Variants in NSD2 observed in about 807,000 individuals in gnomAD.
The protein encoded by NSD2 is nuclear receptor binding SET domain protein 2, also known as histone-lysine N-methyltransferase NSD2.
NSD2 carries 12 observed loss-of-function variants against 139.0 expected under a neutral mutation model. The observed-to-expected ratio is 0.09, with a 90% CI of 0.06 to 0.14. The LOEUF (loss-of-function observed/expected upper bound fraction) is 0.14, where lower values mean the gene tolerates loss of function less well. Ranked by LOEUF, NSD2 falls within the 10% of genes least tolerant of loss-of-function variation. NSD2 has a pLI of 1.00. For synonymous variants in NSD2, 669 were observed against 648.7 expected, an observed-to-expected ratio of 1.03 and a Z score of -0.48; for missense variants, 1,155 against 1,745.0, an observed-to-expected ratio of 0.66 and a Z score of 6.02.
At chr4:1,899,321 C>T (rs1247591092) in intron 1 of NSD2, 2 of 152,210 alleles carry the variant, frequency 1.3e-5, no homozygotes, top group Non-Finnish European at 2.9e-5. Context: ...CATCTCGGGC[C>T]GCATAGCCCT....
chr4:1,970,618 G>A (rs776510919), intron 18 of NSD2, among the ~76,000 whole-genome samples: 1 of 152,152 alleles, frequency 6.6e-6, no homozygotes, highest in African/African-American at 2.4e-5. Flanking sequence ...CAACACCGGC[G>A]AGCCAGAGCC....
intron 1 of NSD2, among the ~76,000 whole-genome samples, chr4:1,890,928 CTG>C (rs1260918478): frequency 2.6e-5 from 4 of 151,622 alleles, no homozygotes; most frequent in African/African-American, 9.7e-5. Flanking sequence ...AGGTCTCACT[CTG>C]TCACCCAGGC....
chr4:1,969,943 C>T (rs891917565), intron 18 of NSD2, among the ~76,000 whole-genome samples: 60 of 152,128 alleles, frequency 3.9e-4, no homozygotes, highest in African/African-American at 1.4e-3. Flanking sequence ...AAGCCTAAAC[C>T]TCAAGGAACA....
chr4:1,930,523 A>T, intron 5 of NSD2, 103 bp from the exon 6 acceptor site: 2 of 1,246,002 alleles, frequency 1.6e-6, no homozygotes, highest in Non-Finnish European at 2.1e-6. Flanking sequence ...TAAAAATGCG[A>T]CACACTAAGT....
intron 3 of NSD2, among the ~76,000 whole-genome samples, chr4:1,911,391 C>T (rs545463479): frequency 4.1e-4 from 62 of 151,868 alleles, no homozygotes; most frequent in Non-Finnish European, 7.7e-4. Context: ...AGTTCGAGAC[C>T]AGCCTGGCCA....
At chr4:1,928,979 C>A (rs1721298665) in intron 5 of NSD2, among the ~76,000 whole-genome samples, 1 of 151,900 alleles carries the variant, frequency 6.6e-6, no homozygotes. Flanking sequence ...ATATGCAGGG[C>A]TGGGGACAGG....
At chr4:1,904,039 G>A (rs1717563366) in intron 2 of NSD2, among the ~76,000 whole-genome samples, 177 bp from the exon 3 acceptor site, 1 of 152,034 alleles carries the variant, frequency 6.6e-6, no homozygotes, top group African/African-American at 2.4e-5. Context: ...TGGCCTGAGA[G>A]ACAAAATTTT....
chr4:1,969,200 C>A (rs1235378025), intron 18 of NSD2, among the ~76,000 whole-genome samples: 1 of 152,188 alleles, frequency 6.6e-6, no homozygotes, highest in Non-Finnish European at 1.5e-5. Context: ...AGAGATGACA[C>A]ATCTTTGAAA....
At chr4:1,938,593 T>TGGGG in intron 8 of NSD2, 61 bp downstream of exon 8, 16 of 515,338 alleles carry the variant, frequency 3.1e-5, no homozygotes, top group Non-Finnish European at 4.8e-5. Context: ...GCTGGGTGGG[T>TGGGG]GGGCTGAGAG....
At chr4:1,898,614 C>T (rs1194398411) in intron 1 of NSD2, among the ~76,000 whole-genome samples, 3 of 149,870 alleles carry the variant, frequency 2.0e-5, no homozygotes, top group South Asian at 2.1e-4. Context: ...GAGCTGAGAT[C>T]GCACCACTGC....
At chr4:1,962,835 T>G (rs1183790600) in intron 18 of NSD2, among the ~76,000 whole-genome samples, 1 of 152,166 alleles carries the variant, frequency 6.6e-6, no homozygotes, top group Admixed American at 6.5e-5. Flanking sequence ...CACACCTGGC[T>G]GATGAAATTT....
intron 2 of NSD2, 134 bp from the exon 3 acceptor site, chr4:1,904,082 A>G (rs1717568187): frequency 9.9e-7 from 1 of 1,009,404 alleles, no homozygotes; most frequent in East Asian, 2.7e-5. Context: ...CATCTAAAAC[A>G]CAGCAAGGGA....
rs968948351 is a variant in NSD2 at position 1,979,622 on chromosome 4, C to G, written c.*713C>G. On this transcript the variant is annotated 3_prime_UTR_variant, in exon 22 of 22. Transcript: ENST00000508803. Reference sequence around the variant, plus strand: ...TTCAACGTGTAGTTTACGCGGAGCACTTTCGAGGCCTGGCCGGGTTGGGCC... The same window carrying G: ...TTCAACGTGTAGTTTACGCGGAGCAGTTTCGAGGCCTGGCCGGGTTGGGCC... The G allele has an allele frequency of 4.3e-6, 1 of 232,608 alleles. No individual in the cohort carries two copies. The highest frequency in any genetic ancestry group is 2.2e-5 in the African/African-American group (1 of 45,306). The allele number at this position is 232,608 out of a possible 1,614,324, so 14.4% of individuals were successfully genotyped here.
At chr4:1,975,488 C>T (rs1726978015) in intron 20 of NSD2, 88 bp downstream of exon 20, 1 of 1,233,716 alleles carries the variant, frequency 8.1e-7, no homozygotes, top group Non-Finnish European at 1.2e-6. Flanking sequence ...ACAGCGGCTT[C>T]CTCCAGGCTG....
chr4:1,955,574 C>A lies in NSD2; in HGVS notation c.2519-119C>A. On this transcript the variant is annotated intron_variant, in intron 13 of 21. Coordinates refer to ENST00000508803, the MANE Select transcript of NSD2 (RefSeq NM_001042424.3). This position sits in a 1 kb window ranked among gnomAD's most constrained non-coding sequence, Gnocchi z 4.7. ...TGCTCTCGTGCTGATGTACAGATCGCTGTTTTAAAACTGATGTTTATAAGT... is the reference window on the plus strand; with the variant it reads ...TGCTCTCGTGCTGATGTACAGATCGATGTTTTAAAACTGATGTTTATAAGT... 2 of 1,327,244 alleles carry A rather than the reference C, an allele frequency of 1.5e-6. No individual in the cohort carries two copies. The highest frequency in any genetic ancestry group is 2.0e-6 in the Non-Finnish European group (2 of 996,942). 82.2% of individuals were successfully genotyped at this position (1,327,244 alleles called of 1,614,324 possible). A position where few individuals can be genotyped will look rare whatever the true frequency, so the allele number is the denominator to read the frequency against.
chr4:1,938,412 CTTTCT>C (rs1722692405), intron 7 of NSD2, 34 bp from the exon 8 acceptor site: 39 of 635,510 alleles, frequency 6.1e-5, no homozygotes, highest in South Asian at 1.1e-4. Context: ...TTTTTTTTTT[CTTTCT>C]TTTTTTTTTT....
rs1313958361 is a variant in NSD2 at position 1,956,125 on chromosome 4, A to G, written c.2818A>G (p.Met940Val). 1.1e-5 allele frequency: 18 copies of G among 1,613,912 alleles called. No individual in the cohort carries two copies. Among genetic ancestry groups the G allele is most frequent in the Middle Eastern group, 1.6e-4 (1 of 6,062 alleles). Residue 940 changes from methionine to valine, a missense_variant, in exon 15 of 22, where the codon ATG (methionine) becomes GTG (valine). Met to Val is a conservative substitution (Grantham distance 21, BLOSUM62 1). Around this residue, in one of 8 missense-constraint regions of NSD2, gnomAD observed 139 missense variants for 485.8 expected, o/e 0.29. Transcript: ENST00000508803. The surrounding 1 kb of genome is among the most constrained non-coding windows in gnomAD (Gnocchi z 5.3). Reference sequence around the variant, plus strand: ...GCATCAGGCGCGAGTGTTCCCGTACATGGAGGGGGACCGGGGCAGCCGCTA... The same window carrying G: ...GCATCAGGCGCGAGTGTTCCCGTACGTGGAGGGGGACCGGGGCAGCCGCTA... ...WTHQARVFPY[M>V]EGDRGSRYQG...
At chr4:1,944,407 T>G (rs536651955) in intron 9 of NSD2, 5 of 1,065,440 alleles carry the variant, frequency 4.7e-6, no homozygotes, top group Admixed American at 1.1e-4. Context: ...TGGTGATACA[T>G]TCTAGCCTTA....
intron 5 of NSD2, among the ~76,000 whole-genome samples, chr4:1,922,088 C>T (rs549442985): frequency 1.2e-4 from 18 of 152,186 alleles, no homozygotes; most frequent in Non-Finnish European, 2.1e-4. Flanking sequence ...CAGAGGTTGC[C>T]GTGAGCTGAG....
Sources: allele counts gnomAD v4.1 joint callset (sites outside exome capture counted in the v4.1 genomes callset), GRCh38; gene constraint gnomAD v4.1.1; regional missense constraint gnomAD v4.1.1; non-coding constraint Gnocchi (gnomAD v3.1); transcripts MANE v1.5; gene names NCBI Gene and HGNC (gene_info 2026-07-23, HGNC 2026-07-21).